Variants in MAOB observed in about 807,000 individuals in gnomAD.
MAOB encodes the protein monoamine oxidase B.
A neutral mutation model predicts 41.9 loss-of-function variants in MAOB; 15 were observed. That is an observed-to-expected ratio of 0.36 (90% confidence interval 0.24 to 0.55). The LOEUF is 0.55. MAOB is among the 20% of genes least tolerant of loss of function. The pLI, the probability that MAOB is intolerant of heterozygous loss-of-function variation, is 0.86. For synonymous variants in MAOB, 167 were observed against 144.2 expected (o/e 1.16, Z -1.13); for missense variants, 345 against 398.7 (o/e 0.87, Z 1.15).
chrX:43,844,555 C>A (rs981018110), intron 1 of MAOB: 2 of 111,955 alleles, frequency 1.8e-5, no homozygotes, highest in Admixed American at 1.9e-4. Flanking sequence ...GAGGGTGTTT[C>A]CAGAAGAAAC....
At chrX:43,815,977 G>T (rs1416153551) in intron 3 of MAOB, among the ~76,000 whole-genome samples, 1 of 111,716 alleles carries the variant, frequency 9.0e-6, no homozygotes, top group East Asian at 2.8e-4. Flanking sequence ...TCCATCAGTA[G>T]CAATATGGAC....
At chrX:43,827,076 G>A (rs773603623) in intron 3 of MAOB, among the ~76,000 whole-genome samples, 1 of 112,042 alleles carries the variant, frequency 8.9e-6, no homozygotes, top group East Asian at 2.8e-4. Context: ...ACCAGTGGGG[G>A]TGGGAGAGGC....
At chrX:43,819,675 C>T (rs1291131149) in intron 3 of MAOB, among the ~76,000 whole-genome samples, 1 of 112,085 alleles carries the variant, frequency 8.9e-6, no homozygotes, top group Non-Finnish European at 1.9e-5. Context: ...TCCCAGGGCT[C>T]TGGGGTGGCC....
At chrX:43,792,940 A>C (rs2034481169) in intron 8 of MAOB, among the ~76,000 whole-genome samples, 1 of 112,170 alleles carries the variant, frequency 8.9e-6, no homozygotes, top group African/African-American at 3.2e-5. Flanking sequence ...GGTGCCCATC[A>C]AAGGTGGATT....
At chrX:43,775,338 G>A (rs1284185581) in intron 11 of MAOB, 66 bp from the exon 12 acceptor site, 33 of 1,156,254 alleles carry the variant, frequency 2.9e-5, no homozygotes, top group African/African-American at 9.1e-5. Context: ...AGAATAAATC[G>A]AACAGTTTAG....
intron 1 of MAOB, among the ~76,000 whole-genome samples, chrX:43,852,185 A>G (rs1195484437): frequency 1.8e-5 from 2 of 112,040 alleles, no homozygotes; most frequent in Non-Finnish European, 3.8e-5. Flanking sequence ...AACCCAAATG[A>G]GACAGGGTGG....
At chrX:43,864,573 CT>C (rs1472173555) in intron 1 of MAOB, among the ~76,000 whole-genome samples, 2 of 111,679 alleles carry the variant, frequency 1.8e-5, no homozygotes, top group Non-Finnish European at 3.8e-5. Flanking sequence ...GGATTTATTC[CT>C]GCCAATATGA....
intron 2 of MAOB, among the ~76,000 whole-genome samples, chrX:43,840,821 T>C (rs1244737466): frequency 1.8e-5 from 2 of 110,135 alleles, no homozygotes; most frequent in Non-Finnish European, 3.8e-5. Flanking sequence ...CTCGGTCCTA[T>C]GCCACCAGGG....
At position 43,824,453 on chromosome X, in the gene MAOB, G is replaced by A. The variant is rs186267972; in HGVS notation, c.279+14415C>T. 8.1e-3 allele frequency among the ~76,000 whole-genome samples: 908 copies of A among 112,164 alleles called. 5 individuals carry two copies. The highest frequency in any genetic ancestry group is 0.013 in the Non-Finnish European group (705 of 53,165). On this transcript the variant is annotated intron_variant, in intron 3 of 14. Coordinates refer to ENST00000378069, the MANE Select transcript of MAOB (RefSeq NM_000898.5). ...AATTCTAGCACTTTGGGAAACCGAGGCGGGTGGATCACCTGAGGTCAGGAG... is the reference window on the plus strand; with the variant it reads ...AATTCTAGCACTTTGGGAAACCGAGACGGGTGGATCACCTGAGGTCAGGAG...
intron 11 of MAOB, among the ~76,000 whole-genome samples, chrX:43,776,992 C>A (rs1365444108): frequency 2.7e-5 from 3 of 111,032 alleles, no homozygotes; most frequent in South Asian, 7.8e-4. Flanking sequence ...GCCACATTTT[C>A]TTAATCCAGT....
At chrX:43,851,406 G>A (rs992811137) in intron 1 of MAOB, among the ~76,000 whole-genome samples, 10 of 110,946 alleles carry the variant, frequency 9.0e-5, no homozygotes, top group African/African-American at 3.3e-4. Context: ...TTCTGACACA[G>A]GCATACAATG....
intron 6 of MAOB, among the ~76,000 whole-genome samples, chrX:43,796,348 C>G (rs143162370): frequency 1.5e-3 from 170 of 111,541 alleles, no homozygotes; most frequent in African/African-American, 4.8e-3. Context: ...CAGCCTACTC[C>G]CTGTTGCAGG....
intron 8 of MAOB, among the ~76,000 whole-genome samples, chrX:43,783,570 A>G (rs1408884465): frequency 2.7e-5 from 3 of 112,623 alleles, no homozygotes; most frequent in Admixed American, 9.4e-5. Context: ...ATAGAATTAT[A>G]TCTAAAATAT....
At chrX:43,794,622 T>C (rs2034504841) in intron 7 of MAOB, among the ~76,000 whole-genome samples, 2 of 110,851 alleles carry the variant, frequency 1.8e-5, no homozygotes, top group Non-Finnish European at 3.8e-5. Flanking sequence ...ATTTTCTGTG[T>C]TTTTCTAATT....
At chrX:43,802,109 G>T (rs2034601746) in intron 5 of MAOB, 63 bp downstream of exon 5, 4 of 897,613 alleles carry the variant, frequency 4.5e-6, no homozygotes, top group African/African-American at 2.0e-5. Flanking sequence ...TTGTTGAACG[G>T]TATTGCTAAA....
chrX:43,769,993 T>G (rs894791819), intron 12 of MAOB, among the ~76,000 whole-genome samples: 3 of 111,558 alleles, frequency 2.7e-5, no homozygotes, highest in Admixed American at 9.5e-5. Flanking sequence ...ATCACCATTT[T>G]GCAGATAAGA....
chrX:43,769,269 T>C (rs1329632257), intron 13 of MAOB, 38 bp downstream of exon 13: 20 of 1,145,717 alleles, frequency 1.7e-5, no homozygotes, highest in Non-Finnish European at 2.2e-5. Context: ...GGACCATGAG[T>C]TGCCTCCTTC....
chrX:43,851,355 G>T (rs1200911278), intron 1 of MAOB, among the ~76,000 whole-genome samples: 4 of 109,931 alleles, frequency 3.6e-5, no homozygotes, highest in Non-Finnish European at 7.6e-5. Flanking sequence ...AATTTTTATG[G>T]GTACATAGTA....
At chrX:43,824,302 C>A (rs2034917815) in intron 3 of MAOB, among the ~76,000 whole-genome samples, 1 of 112,438 alleles carries the variant, frequency 8.9e-6, no homozygotes, top group African/African-American at 3.2e-5. Flanking sequence ...GCCACATAGT[C>A]TAAAAATCAT....
Sources: gnomAD v4.1 joint callset for allele counts (sites outside exome capture counted in the v4.1 genomes callset) on GRCh38, gnomAD v4.1.1 for gene constraint, MANE v1.5 for transcripts, NCBI Gene and HGNC (gene_info 2026-07-23, HGNC 2026-07-21) for gene names.